NEGR1: variants seen among roughly 807,000 people sequenced by gnomAD.
NEGR1 encodes the protein neuronal growth regulator 1, also known as IgLON family member 4.
In NEGR1, 10 loss-of-function variants were observed where a neutral mutation model predicts 40.9. The ratio of observed to expected loss-of-function variants is 0.24; its 90% CI spans 0.15 to 0.42. NEGR1 has a LOEUF of 0.42. NEGR1 is among the 10% of genes least tolerant of loss of function. The pLI, the probability that NEGR1 is intolerant of heterozygous loss-of-function variation, is 1.00. For missense variants in NEGR1, 352 were observed against 438.9 expected, an observed-to-expected ratio of 0.80 and a Z score of 1.77; for synonymous variants, 185 against 166.8, an observed-to-expected ratio of 1.11 and a Z score of -0.84.
chr1:71,469,748 A>AAAAT (rs1196215598), intron 6 of NEGR1, among the ~76,000 whole-genome samples: 1 of 152,048 alleles, frequency 6.6e-6, no homozygotes, highest in Admixed American at 6.6e-5. Flanking sequence ...TGTAGATATT[A>AAAAT]AAATACATTA....
intron 2 of NEGR1, among the ~76,000 whole-genome samples, chr1:71,806,477 T>C (rs531083978): frequency 2.4e-4 from 37 of 151,752 alleles, no homozygotes; most frequent in African/African-American, 8.7e-4. Context: ...CAAAATCCTT[T>C]TGAAAATTCC....
At chr1:71,718,100 TA>T (rs2101650477) in intron 3 of NEGR1, among the ~76,000 whole-genome samples, 1 of 152,304 alleles carries the variant, frequency 6.6e-6, no homozygotes, top group East Asian at 1.9e-4. Flanking sequence ...AAAAATTTTG[TA>T]AAGGCGAATC....
At chr1:72,197,664 T>C (rs1203110722) in intron 1 of NEGR1, among the ~76,000 whole-genome samples, 1 of 151,996 alleles carries the variant, frequency 6.6e-6, no homozygotes, top group African/African-American at 2.4e-5. Flanking sequence ...CGTTTCTCCA[T>C]TTTCATCTGC....
intron 6 of NEGR1, among the ~76,000 whole-genome samples, chr1:71,473,594 A>G (rs1452220297): frequency 6.6e-6 from 1 of 152,140 alleles, no homozygotes; most frequent in Admixed American, 6.6e-5. Flanking sequence ...TCTATGCAGT[A>G]TAAAAATAGT....
intron 6 of NEGR1, among the ~76,000 whole-genome samples, chr1:71,499,269 T>C (rs1646984141): frequency 6.6e-6 from 1 of 151,908 alleles, no homozygotes; most frequent in Non-Finnish European, 1.5e-5. Context: ...AAATTTCTTT[T>C]TAAAAATGGA....
At chr1:72,031,501 A>C (rs1245003642) in intron 1 of NEGR1, among the ~76,000 whole-genome samples, 1 of 152,166 alleles carries the variant, frequency 6.6e-6, no homozygotes, top group Non-Finnish European at 1.5e-5. Context: ...GACCCCTTTC[A>C]ATTGACAAGC....
intron 3 of NEGR1, among the ~76,000 whole-genome samples, chr1:71,731,945 T>C (rs990281836): frequency 1.2e-4 from 19 of 152,188 alleles, no homozygotes; most frequent in Admixed American, 9.8e-4. Context: ...TTTGCATCCT[T>C]ATTGTGGAGA....
intron 6 of NEGR1, among the ~76,000 whole-genome samples, chr1:71,474,517 TACACACACACACACAC>T (rs57225665): frequency 2.3e-4 from 26 of 115,452 alleles, no homozygotes; most frequent in East Asian, 5.6e-4. Flanking sequence ...CTACTAACAA[TACACACACACACACAC>T]ACACACACAC....
intron 2 of NEGR1, among the ~76,000 whole-genome samples, chr1:71,895,788 T>C (rs1041077133): frequency 3.9e-5 from 6 of 152,186 alleles, no homozygotes; most frequent in African/African-American, 1.4e-4. Context: ...GAACATATAT[T>C]TTCAATTTTA....
At chr1:71,602,235 ATT>A (rs1649944955) in intron 5 of NEGR1, among the ~76,000 whole-genome samples, 1 of 82,234 alleles carries the variant, frequency 1.2e-5, no homozygotes, top group Non-Finnish European at 2.5e-5. Flanking sequence ...GCCCATGATT[ATT>A]CTTTTTTTTT....
chr1:71,667,656 G>C (rs1182814343), intron 4 of NEGR1, among the ~76,000 whole-genome samples: 3 of 152,216 alleles, frequency 2.0e-5, no homozygotes, highest in Admixed American at 6.5e-5. Flanking sequence ...TGTCTCAACA[G>C]TGTGTTGTTT....
At chr1:71,805,628 T>A (rs1287752984) in intron 2 of NEGR1, among the ~76,000 whole-genome samples, 1 of 152,212 alleles carries the variant, frequency 6.6e-6, no homozygotes, top group Non-Finnish European at 1.5e-5. Flanking sequence ...TGGAATGTTG[T>A]ATTTAGCTAG....
intron 1 of NEGR1, among the ~76,000 whole-genome samples, chr1:72,054,854 C>T (rs1461645983): frequency 6.6e-6 from 1 of 150,978 alleles, no homozygotes; most frequent in African/African-American, 2.4e-5. Context: ...GTCTGTGATT[C>T]TAATATAACC....
chr1:71,976,104 A>G (rs1646301605), intron 1 of NEGR1, among the ~76,000 whole-genome samples: 1 of 152,200 alleles, frequency 6.6e-6, no homozygotes, highest in African/African-American at 2.4e-5. Flanking sequence ...TTTATTTATT[A>G]TCAAAATGGA....
intron 1 of NEGR1, among the ~76,000 whole-genome samples, chr1:72,035,473 G>A (rs558369567): frequency 6.6e-6 from 1 of 152,278 alleles, no homozygotes; most frequent in African/African-American, 2.4e-5. Flanking sequence ...CAGAAAGCTT[G>A]AATGTTTGTT....
chr1:71,593,641 A>G (rs554097290), intron 5 of NEGR1, among the ~76,000 whole-genome samples: 1 of 152,290 alleles, frequency 6.6e-6, no homozygotes, highest in African/African-American at 2.4e-5. Flanking sequence ...GCTATACCCA[A>G]ATTCAAACTA....
intron 2 of NEGR1, among the ~76,000 whole-genome samples, chr1:71,848,664 TG>T (rs1659500783): frequency 6.6e-6 from 1 of 152,226 alleles, no homozygotes; most frequent in Non-Finnish European, 1.5e-5. Flanking sequence ...ACAATGTACC[TG>T]GTCACCTAAG....
intron 1 of NEGR1, among the ~76,000 whole-genome samples, chr1:72,047,362 GA>G (rs1647012051): frequency 6.6e-6 from 1 of 151,366 alleles, no homozygotes; most frequent in Non-Finnish European, 1.5e-5. Context: ...AAAATCCAAA[GA>G]AACGTCATTC....
intron 1 of NEGR1, among the ~76,000 whole-genome samples, chr1:72,088,101 G>A (rs1457001812): frequency 6.6e-6 from 1 of 152,170 alleles, no homozygotes; most frequent in Admixed American, 6.5e-5. Context: ...TTATGTAACA[G>A]ATTAGTGTAA....
Sources: gnomAD v4.1 joint callset for allele counts (sites outside exome capture counted in the v4.1 genomes callset) on GRCh38, gnomAD v4.1.1 for gene constraint, MANE v1.5 for transcripts, NCBI Gene and HGNC (gene_info 2026-07-23, HGNC 2026-07-21) for gene names.